The following EMP2 variants were observed in gnomAD, a reference collection of about 807,000 sequenced individuals.
The protein encoded by EMP2 is epithelial membrane protein 2.
Under a neutral mutation model 13.7 loss-of-function variants are expected in EMP2, and 19 were observed. The ratio of observed to expected loss-of-function variants is 1.38; its 90% CI spans 0.97 to 2.03. EMP2 has a LOEUF of 2.03. Among genes scored for constraint, EMP2 ranks in the 30% most tolerant of loss-of-function variants. The pLI is 0.00. For missense variants in EMP2, 253 were observed against 220.7 expected (o/e 1.15, Z -0.93); for synonymous variants, 97 against 84.7 (o/e 1.15, Z -0.80).
At chr16:10,578,383 G>C (rs943410307) in intron 1 of EMP2, among the ~76,000 whole-genome samples, 1 of 152,338 alleles carries the variant, frequency 6.6e-6, no homozygotes, top group East Asian at 1.9e-4. Flanking sequence ...TCCGTTCCAG[G>C]AAGAAAGGAT....
At position 10,532,960 on chromosome 16, in the gene EMP2, A is replaced by G; in HGVS notation, c.449T>C (p.Phe150Ser). ...GYSYILAWVA[F>S]ACTFISGMMY... ...CATGCCGCTGATGAAGGTGCAGGCG[A>G]AGGCCACCCACGCCAGGATGTAGGA... is the stretch of plus-strand genomic sequence containing the variant. Residue 150 changes from phenylalanine to serine, a missense_variant, in exon 5 of 5, where the codon TTC becomes TCC. By Grantham distance (155) the Phe-to-Ser change is radical. Transcript: ENST00000359543. The G allele has an allele frequency of 6.2e-7, 1 of 1,608,832 alleles. No homozygotes were observed. Among genetic ancestry groups the G allele is most frequent in the Non-Finnish European group, 8.5e-7 (1 of 1,177,510 alleles).
At chr16:10,577,385 G>A (rs772533607) in intron 1 of EMP2, among the ~76,000 whole-genome samples, 3 of 152,250 alleles carry the variant, frequency 2.0e-5, no homozygotes, top group South Asian at 2.1e-4. Flanking sequence ...TCGCTGGGTG[G>A]CAGCTCTGCC....
chr16:10,565,783 G>A (rs1183096016), intron 1 of EMP2, among the ~76,000 whole-genome samples: 4 of 152,258 alleles, frequency 2.6e-5, no homozygotes, highest in South Asian at 2.1e-4. Flanking sequence ...AACCCATTCC[G>A]ATGCACTTGG....
chr16:10,561,661 C>T (rs1184973536), intron 1 of EMP2, among the ~76,000 whole-genome samples: 1 of 152,144 alleles, frequency 6.6e-6, no homozygotes, highest in Non-Finnish European at 1.5e-5. Context: ...TCTCTCAGGG[C>T]CTGATGTTGC....
At chr16:10,540,445 G>A (rs2050685814) in intron 3 of EMP2, among the ~76,000 whole-genome samples, 1 of 152,102 alleles carries the variant, frequency 6.6e-6, no homozygotes, top group African/African-American at 2.4e-5. Flanking sequence ...GGCGGGGACT[G>A]CAGCGAGCAG....
intron 4 of EMP2, among the ~76,000 whole-genome samples, chr16:10,534,237 T>G (rs1210193767): frequency 1.3e-5 from 2 of 152,176 alleles, no homozygotes; most frequent in African/African-American, 4.8e-5. Flanking sequence ...ATGAAATATC[T>G]GGAGTTGCAG....
chr16:10,560,398 C>G (rs1290737514), intron 1 of EMP2, among the ~76,000 whole-genome samples: 2 of 152,222 alleles, frequency 1.3e-5, no homozygotes, highest in African/African-American at 4.8e-5. Flanking sequence ...CAGGCAAGGA[C>G]TGTGATCCAC....
At chr16:10,533,155 G>C in intron 4 of EMP2, 63 bp from the exon 5 acceptor site, 1 of 1,342,186 alleles carries the variant, frequency 7.5e-7, no homozygotes, top group Non-Finnish European at 9.8e-7. Context: ...GGGTAGCCCA[G>C]GGGCATACGG....
Position 10,532,758 on chromosome 16 carries a change from C to CTTTTTATTTTTTTTTTTTTTTTTTTTTTT in EMP2, c.*146_*147insAAAAAAAAAAAAAAAAAAAAAAATAAAAA, listed in dbSNP as rs1567199104. The stretch of plus-strand genomic sequence containing the variant: ...CTTTTGGATTTTTTTTTTCTTTTTT[C>CTTTTTATTTTTTTTTTTTTTTTTTTTTTT]TTTTTTTTTTTTTTTTTTTTTTTTT... On this transcript the variant is annotated 3_prime_UTR_variant, in exon 5 of 5. Transcript: ENST00000359543. 1 of 182,526 alleles carries CTTTTTATTTTTTTTTTTTTTTTTTTTTTT rather than the reference C, an allele frequency of 5.5e-6. No homozygotes were observed. Among genetic ancestry groups the CTTTTTATTTTTTTTTTTTTTTTTTTTTTT allele is most frequent in the Non-Finnish European group, 8.3e-6 (1 of 120,328 alleles). 11.3% of individuals were successfully genotyped at this position (182,526 alleles called of 1,614,324 possible). A position where few individuals can be genotyped will look rare whatever the true frequency, so the allele number is the denominator to read the frequency against.
intron 1 of EMP2, among the ~76,000 whole-genome samples, chr16:10,575,841 C>T (rs1437710110): frequency 2.0e-5 from 3 of 151,940 alleles, no homozygotes; most frequent in African/African-American, 7.3e-5. Context: ...GAAGGGACTC[C>T]CCTGGAAGCT....
chr16:10,557,166 G>A (rs2050835570), intron 1 of EMP2, among the ~76,000 whole-genome samples: 1 of 152,060 alleles, frequency 6.6e-6, no homozygotes, highest in Non-Finnish European at 1.5e-5. Context: ...AGACTAGCCT[G>A]GCCAACATGG....
At chr16:10,543,529 C>G in intron 3 of EMP2, 41 bp downstream of exon 3, 1 of 1,603,812 alleles carries the variant, frequency 6.2e-7, no homozygotes. Flanking sequence ...GTTCCTTCCT[C>G]CCTCAGTGCT....
chr16:10,555,537 G>A (rs7195604), intron 1 of EMP2, among the ~76,000 whole-genome samples: 2,193 of 152,016 alleles, frequency 0.014, 47 homozygotes, highest in African/African-American at 0.05. Flanking sequence ...GGTATATGGT[G>A]TAAAACAGTC....
chr16:10,576,250 G>T (rs965923108), intron 1 of EMP2, among the ~76,000 whole-genome samples: 4 of 151,874 alleles, frequency 2.6e-5, no homozygotes, highest in African/African-American at 9.7e-5. Flanking sequence ...ATTATCTTGT[G>T]TGCCACCAGT....
intron 1 of EMP2, among the ~76,000 whole-genome samples, chr16:10,576,295 CAA>C (rs1267602581): frequency 1.3e-5 from 2 of 151,818 alleles, no homozygotes; most frequent in Non-Finnish European, 2.9e-5. Context: ...ATAAGATCAA[CAA>C]AAAAACTTTG....
At chr16:10,561,621 C>A (rs188048814) in intron 1 of EMP2, among the ~76,000 whole-genome samples, 3 of 152,292 alleles carry the variant, frequency 2.0e-5, no homozygotes, top group Non-Finnish European at 4.4e-5. Flanking sequence ...GGGAAGTGAA[C>A]TAAAGCCCTT....
chr16:10,541,907 G>T (rs77631316), intron 3 of EMP2, among the ~76,000 whole-genome samples: 2,607 of 152,232 alleles, frequency 0.017, 74 homozygotes, highest in African/African-American at 0.06. Context: ...TTAGACCCAT[G>T]CCTCACAGTA....
At chr16:10,577,827 G>A (rs926815094) in intron 1 of EMP2, among the ~76,000 whole-genome samples, 14 of 151,584 alleles carry the variant, frequency 9.2e-5, no homozygotes, top group Middle Eastern at 3.4e-3. Context: ...TAACGTCACC[G>A]CCTCCCCTCT....
chr16:10,533,073 C>T lies in EMP2; in HGVS notation c.336G>A (p.Ala112=), dbSNP rs776612973. The T allele has an allele frequency of 5.7e-6, 9 of 1,585,996 alleles. No individual in the cohort carries two copies. Among genetic ancestry groups the T allele is most frequent in the South Asian group, 3.5e-5 (3 of 86,306 alleles). ...QLMSCLCVMI[A]ASIYTDRRED... ...CACGCCTGTCTGTATAAATGGAGGCCGCAATCATGACACACAGACCTGTCA... is the reference window on the plus strand; with the variant it reads ...CACGCCTGTCTGTATAAATGGAGGCTGCAATCATGACACACAGACCTGTCA... Residue 112 remains alanine, a synonymous_variant, in exon 5 of 5, where the codon GCG becomes GCA. Transcript: ENST00000359543.
Sources: allele counts gnomAD v4.1 joint callset (sites outside exome capture counted in the v4.1 genomes callset), GRCh38; gene constraint gnomAD v4.1.1; transcripts MANE v1.5; gene names NCBI Gene and HGNC (gene_info 2026-07-23, HGNC 2026-07-21).